The following ARB2A variants were observed in gnomAD, a reference collection of about 807,000 sequenced individuals.
ARB2A encodes the protein ARB2 cotranscriptional regulator A.
At chr5:93,666,593 TTG>T in the ARB2A span, among the ~76,000 whole-genome samples, 1 of 152,086 alleles carries the variant, frequency 6.6e-6, no homozygotes, top group East Asian at 1.9e-4. Flanking sequence ...ATTATTAAAT[TTG>T]TGTTAACAGG....
At chr5:93,761,909 G>A in the ARB2A span, among the ~76,000 whole-genome samples, 32 of 152,328 alleles carry the variant, frequency 2.1e-4, no homozygotes, top group South Asian at 5.2e-3. Flanking sequence ...AATATCTGCT[G>A]TTCTGCAGCC....
the ARB2A span, among the ~76,000 whole-genome samples, chr5:93,866,643 C>T: frequency 6.6e-6 from 1 of 152,146 alleles, no homozygotes; most frequent in East Asian, 1.9e-4. Flanking sequence ...TTTGCATATA[C>T]AGACGGCCTA....
the ARB2A span, among the ~76,000 whole-genome samples, chr5:94,038,419 T>G: frequency 5.9e-5 from 9 of 152,138 alleles, no homozygotes; most frequent in Non-Finnish European, 1.0e-4. Context: ...AGTATTTTTC[T>G]AAATTTGGAG....
the ARB2A span, among the ~76,000 whole-genome samples, chr5:93,830,311 G>GTGTGTATATA: frequency 1.2e-5 from 1 of 82,260 alleles, no homozygotes; most frequent in Non-Finnish European, 2.4e-5. Context: ...GTGTGTGTGT[G>GTGTGTATATA]TATATATATA....
chr5:93,894,592 C>G, the ARB2A span, among the ~76,000 whole-genome samples: 1 of 152,126 alleles, frequency 6.6e-6, no homozygotes, highest in Non-Finnish European at 1.5e-5. Flanking sequence ...TCTCAGCAAA[C>G]AGAGCAGAGC....
the ARB2A span, among the ~76,000 whole-genome samples, chr5:94,029,816 T>C: frequency 6.6e-6 from 1 of 152,222 alleles, no homozygotes; most frequent in African/African-American, 2.4e-5. Context: ...GAATCAATTA[T>C]TTCAGTGAAG....
chr5:94,011,375 T>C, the ARB2A span, among the ~76,000 whole-genome samples: 7 of 152,322 alleles, frequency 4.6e-5, no homozygotes, highest in East Asian at 1.9e-4. Context: ...TTTTACTTAT[T>C]TATTTTGTTC....
the ARB2A span, among the ~76,000 whole-genome samples, chr5:93,674,470 T>C: frequency 2.0e-5 from 3 of 152,186 alleles, no homozygotes; most frequent in African/African-American, 4.8e-5. Flanking sequence ...CAAAAAAGAA[T>C]ATGCTCTCGA....
chr5:93,762,362 T>C, the ARB2A span, among the ~76,000 whole-genome samples: 3 of 152,192 alleles, frequency 2.0e-5, no homozygotes, highest in Non-Finnish European at 2.9e-5. Flanking sequence ...TTAAAGGACC[T>C]GATGGAGCTG....
At chr5:93,934,628 A>C in the ARB2A span, among the ~76,000 whole-genome samples, 1 of 152,190 alleles carries the variant, frequency 6.6e-6, no homozygotes, top group Admixed American at 6.5e-5. Flanking sequence ...GGCCCTCTGC[A>C]AAGGTTTCTT....
chr5:94,106,003 C>G, the ARB2A span, among the ~76,000 whole-genome samples: 1 of 151,810 alleles, frequency 6.6e-6, no homozygotes, highest in Non-Finnish European at 1.5e-5. Flanking sequence ...TAAAGACTTA[C>G]ATGTAAAGCC....
At chr5:93,980,867 A>T in the ARB2A span, among the ~76,000 whole-genome samples, 1 of 152,060 alleles carries the variant, frequency 6.6e-6, no homozygotes, top group East Asian at 1.9e-4. Flanking sequence ...AAGGTCTCTG[A>T]CTCATAGTTC....
chr5:93,672,923 A>G, the ARB2A span, among the ~76,000 whole-genome samples: 1 of 152,110 alleles, frequency 6.6e-6, no homozygotes, highest in Non-Finnish European at 1.5e-5. Flanking sequence ...AGTTTCTCGC[A>G]TTTCTACTTG....
chr5:93,947,613 CCATTAACTCGT>C, the ARB2A span, among the ~76,000 whole-genome samples: 2 of 148,844 alleles, frequency 1.3e-5, no homozygotes. Context: ...TGTGCTGCAC[CCATTAACTCGT>C]CATTTAGCAT....
At chr5:93,796,084 G>A in the ARB2A span, among the ~76,000 whole-genome samples, 1 of 152,186 alleles carries the variant, frequency 6.6e-6, no homozygotes, top group Non-Finnish European at 1.5e-5. Context: ...TGTTGGTAGG[G>A]GAAGGAAGGA....
the ARB2A span, among the ~76,000 whole-genome samples, chr5:94,054,690 G>C: frequency 6.6e-6 from 1 of 152,086 alleles, no homozygotes; most frequent in Non-Finnish European, 1.5e-5. Flanking sequence ...CAGGGAAAAA[G>C]AGGAGGAATT....
chr5:93,657,713 C>T, the ARB2A span, among the ~76,000 whole-genome samples: 1 of 152,170 alleles, frequency 6.6e-6, no homozygotes, highest in African/African-American at 2.4e-5. Flanking sequence ...CAAGACTCAC[C>T]TGCCTTATTC....
At chr5:93,640,631 T>C in the ARB2A span, among the ~76,000 whole-genome samples, 3 of 149,746 alleles carry the variant, frequency 2.0e-5, no homozygotes, top group African/African-American at 7.6e-5. Flanking sequence ...TACATATGTG[T>C]GTGTATATAT....
At chr5:93,826,546 A>G in the ARB2A span, among the ~76,000 whole-genome samples, 1 of 152,172 alleles carries the variant, frequency 6.6e-6, no homozygotes, top group Admixed American at 6.5e-5. Context: ...TAAGCTCTCC[A>G]TATCCAGCTG....
Sources: allele counts gnomAD v4.1 joint callset (sites outside exome capture counted in the v4.1 genomes callset), GRCh38; gene constraint gnomAD v4.1.1; transcripts MANE v1.5; gene names NCBI Gene and HGNC (gene_info 2026-07-23, HGNC 2026-07-21).